PACRG: variants seen among roughly 807,000 people sequenced by gnomAD.
PACRG encodes parkin coregulated gene protein.
PACRG carries 29 observed loss-of-function variants against 29.7 expected under a neutral mutation model. That is an observed-to-expected ratio of 0.98 (90% CI 0.73 to 1.33). The LOEUF is 1.33. Ranked by LOEUF, PACRG falls within the 40% of genes most tolerant of loss-of-function variation. The pLI, the probability that PACRG is intolerant of heterozygous loss-of-function variation, is 0.00. For synonymous variants in PACRG, 116 were observed against 118.7 expected (o/e 0.98, Z 0.15); for missense variants, 279 against 316.2 (o/e 0.88, Z 0.89).
At chr6:163,179,539 A>G in intron 4 of PACRG, 1 of 224,104 alleles carries the variant, frequency 4.5e-6, no homozygotes, top group South Asian at 6.0e-5. Context: ...CCCTGTCTCT[A>G]TAAAAGAAAT....
chr6:162,824,109 G>A (rs950765758), intron 2 of PACRG, among the ~76,000 whole-genome samples: 40 of 152,082 alleles, frequency 2.6e-4, no homozygotes, highest in African/African-American at 8.0e-4. Flanking sequence ...TGCTTTCTAG[G>A]ACAGAATGCA....
At chr6:163,149,322 C>G (rs996461607) in intron 4 of PACRG, among the ~76,000 whole-genome samples, 2 of 152,144 alleles carry the variant, frequency 1.3e-5, no homozygotes, top group East Asian at 1.9e-4. Context: ...GCCGGCTCCC[C>G]CTTCCATCCT....
At chr6:163,157,112 C>T (rs1778357107) in intron 4 of PACRG, among the ~76,000 whole-genome samples, 2 of 152,204 alleles carry the variant, frequency 1.3e-5, no homozygotes, top group African/African-American at 4.8e-5. Context: ...TCCTAAAACA[C>T]ATCTCTTCTC....
intron 4 of PACRG, among the ~76,000 whole-genome samples, chr6:163,218,389 T>G (rs1781447949): frequency 6.6e-6 from 1 of 152,158 alleles, no homozygotes; most frequent in South Asian, 2.1e-4. Flanking sequence ...TAGAAATAAA[T>G]TCCTTTTTGC....
intron 4 of PACRG, among the ~76,000 whole-genome samples, chr6:163,102,081 A>G (rs1335613255): frequency 1.3e-5 from 2 of 152,134 alleles, no homozygotes; most frequent in Non-Finnish European, 2.9e-5. Context: ...ACCTGAATCA[A>G]TGTGTACAGC....
intron 4 of PACRG, among the ~76,000 whole-genome samples, chr6:163,148,324 AT>A (rs754544737): frequency 3.3e-5 from 5 of 152,090 alleles, no homozygotes; most frequent in East Asian, 1.9e-4. Flanking sequence ...ATATTTTTAC[AT>A]TTTTTTCATT....
chr6:163,059,505 G>T (rs966064237), intron 2 of PACRG, among the ~76,000 whole-genome samples: 6 of 152,178 alleles, frequency 3.9e-5, no homozygotes, highest in African/African-American at 1.4e-4. Flanking sequence ...CAGACAAACT[G>T]CATCAATAAT....
At chr6:162,909,838 G>A (rs909612094) in intron 2 of PACRG, among the ~76,000 whole-genome samples, 1 of 152,180 alleles carries the variant, frequency 6.6e-6, no homozygotes, top group Non-Finnish European at 1.5e-5. Flanking sequence ...GCACATGATG[G>A]GGATTGAATG....
chr6:162,779,005 G>A (rs1290955882), intron 1 of PACRG, among the ~76,000 whole-genome samples: 1 of 152,170 alleles, frequency 6.6e-6, no homozygotes, highest in African/African-American at 2.4e-5. Context: ...GCACCCATTA[G>A]CGGTTCTTCC....
At chr6:162,961,584 C>T (rs1800622302) in intron 2 of PACRG, among the ~76,000 whole-genome samples, 4 of 152,144 alleles carry the variant, frequency 2.6e-5, no homozygotes, top group Admixed American at 2.6e-4. Context: ...TTCTTCACCA[C>T]CTCTGAGTCT....
rs1010817781 is a variant in PACRG, at chr6:162,906,758, G to T, written c.291+92477G>T. ...GATTTCTTTAGGGAACTGACATATT[G>T]CTAAAGAATAGACTCAACATCCATT... On this transcript the variant is annotated intron_variant, in intron 2 of 4. Coordinates refer to ENST00000366888, the MANE Select transcript of PACRG (RefSeq NM_001080379.2). 2.0e-5 allele frequency among the ~76,000 whole-genome samples: 3 copies of T among 152,148 alleles called. No individual in the cohort carries two copies. The East Asian group carries it at 5.8e-4, about 29-fold the overall frequency.
chr6:163,089,250 A>C lies in PACRG; in HGVS notation c.464-9A>C. On this transcript the variant is annotated splice_polypyrimidine_tract_variant and intron_variant, in intron 3 of 4. Transcript: ENST00000366888. ...ATATTTTCTGCTTGGTCCTTCTTTT[A>C]CCATATAGATGCCTTGAACCTCCGA... 1.2e-6 allele frequency: 2 copies of C among 1,611,000 alleles called. No individual in the cohort carries two copies. Among genetic ancestry groups the C allele is most frequent in the East Asian group, 2.2e-5 (1 of 44,794 alleles).
chr6:162,779,127 C>T (rs1977626), intron 1 of PACRG, among the ~76,000 whole-genome samples: 46,376 of 151,996 alleles, frequency 0.31, 7,402 homozygotes, highest in South Asian at 0.42. Context: ...CAAGAACACG[C>T]GGTGTTTGGT....
chr6:163,056,584 C>T (rs1037057026), intron 2 of PACRG, among the ~76,000 whole-genome samples: 2 of 152,082 alleles, frequency 1.3e-5, no homozygotes, highest in Non-Finnish European at 2.9e-5. Context: ...AGATCCTGAA[C>T]CATTACCCCC....
chr6:163,137,984 A>C (rs887019824), intron 4 of PACRG, among the ~76,000 whole-genome samples: 2 of 152,178 alleles, frequency 1.3e-5, no homozygotes, highest in African/African-American at 4.8e-5. Context: ...CAGCCTTCCG[A>C]GTCTCCTCTA....
chr6:163,179,612 G>A (rs968522571), intron 4 of PACRG, among the ~76,000 whole-genome samples: 2 of 151,922 alleles, frequency 1.3e-5, no homozygotes, highest in Admixed American at 1.3e-4. Flanking sequence ...AGGCCGAGAT[G>A]GGAGAATCAG....
rs562413448 is a variant in PACRG at position 162,773,556 on chromosome 6, G to A, written c.157-40591G>A. 1.5e-3 allele frequency among the ~76,000 whole-genome samples: 191 copies of A among 129,054 alleles called. No individual in the cohort carries two copies. In the Middle Eastern group the frequency reaches 0.019, roughly 13 times the overall value. 84.7% of individuals were successfully genotyped at this position (129,054 alleles called of 152,430 possible). On this transcript the variant is annotated intron_variant, in intron 1 of 4. Coordinates refer to ENST00000366888, the MANE Select transcript of PACRG (RefSeq NM_001080379.2). ...GGAGTCTCGCTCTGTCGCCCAGGCC[G>A]GACTGCGGACTGCAGTGGCGCAATC...
At chr6:162,833,307 G>C (rs1788939636) in intron 2 of PACRG, among the ~76,000 whole-genome samples, 1 of 152,084 alleles carries the variant, frequency 6.6e-6, no homozygotes, top group Non-Finnish European at 1.5e-5. Flanking sequence ...CCTTCTAGCT[G>C]TTAAGATGAC....
At chr6:163,034,819 G>A (rs1853487) in intron 2 of PACRG, among the ~76,000 whole-genome samples, 14,910 of 152,118 alleles carry the variant, frequency 0.098, 801 homozygotes, top group African/African-American at 0.14. Context: ...CTTGGACCTC[G>A]CGCAAGAAAG....
Sources: allele counts gnomAD v4.1 joint callset (sites outside exome capture counted in the v4.1 genomes callset), GRCh38; gene constraint gnomAD v4.1.1; transcripts MANE v1.5; gene names NCBI Gene and HGNC (gene_info 2026-07-23, HGNC 2026-07-21).